ARHGEF28: variants seen among roughly 807,000 people sequenced by gnomAD.
ARHGEF28 encodes the protein Rho guanine nucleotide exchange factor 28, also known as 190 kDa guanine nucleotide exchange factor.
In ARHGEF28, 152 loss-of-function variants were observed where a neutral mutation model predicts 206.6. The observed-to-expected ratio is 0.74, with a 90% CI of 0.64 to 0.84. The LOEUF is 0.84. Ranked by LOEUF, ARHGEF28 falls within the 40% of genes least tolerant of loss-of-function variation. The pLI, the probability that ARHGEF28 is intolerant of heterozygous loss-of-function variation, is 0.00. For synonymous variants in ARHGEF28, 763 were observed against 776.4 expected (o/e 0.98, Z 0.29); for missense variants, 2,028 against 2,073.2 (o/e 0.98, Z 0.42).
intron 1 of ARHGEF28, among the ~76,000 whole-genome samples, chr5:73,656,769 A>C (rs984297958): frequency 1.3e-5 from 2 of 152,160 alleles, no homozygotes; most frequent in African/African-American, 4.8e-5. Context: ...AGGAGGACCT[A>C]CAAGGCCTTG....
At chr5:73,701,220 C>T (rs1273208435) in intron 2 of ARHGEF28, among the ~76,000 whole-genome samples, 2 of 152,132 alleles carry the variant, frequency 1.3e-5, no homozygotes, top group African/African-American at 4.8e-5. Context: ...GAAGTGGGAA[C>T]ACCTTATATG....
At chr5:73,698,051 ATAAAAT>A (rs1748331221) in intron 2 of ARHGEF28, among the ~76,000 whole-genome samples, 1 of 152,214 alleles carries the variant, frequency 6.6e-6, no homozygotes. Flanking sequence ...AATTATAAAA[ATAAAAT>A]TAGATTGAAA....
chr5:73,676,237 ATGT>A (rs1746677429), intron 1 of ARHGEF28, among the ~76,000 whole-genome samples: 1 of 134,676 alleles, frequency 7.4e-6, no homozygotes, highest in Non-Finnish European at 1.7e-5. Flanking sequence ...CACCCAGCTA[ATGT>A]TTTTTTTTTT....
In ARHGEF28 at chr5:73,882,543, TA is replaced by T; in HGVS notation, c.2888del (p.Asn963ThrfsTer71). ...TCTGTTGCCATCATAAAGAAGCTGT[TA>T]ACCTCTTTAAAGAACTCCAGCAGAA... ...EFCCHHKEAVNLFKELQQNKK... is the reference protein window; with the variant it reads ...EFCCHHKEAVXLFKELQQNKK... On this transcript the variant is annotated frameshift_variant, in exon 23 of 36. Transcript: ENST00000513042. LOFTEE classifies it high-confidence loss of function. 6.6e-7 allele frequency: 1 copy of T among 1,516,950 alleles called. No homozygotes were observed. The highest frequency in any genetic ancestry group is 8.9e-7 in the Non-Finnish European group (1 of 1,125,462). The allele number at this position is 1,516,950 out of a possible 1,614,324, so 94.0% of individuals were successfully genotyped here. A position where few individuals can be genotyped will look rare whatever the true frequency, so the allele number is the denominator to read the frequency against.
At chr5:73,833,339 T>C (rs773475677) in intron 10 of ARHGEF28, among the ~76,000 whole-genome samples, 6 of 121,994 alleles carry the variant, frequency 4.9e-5, no homozygotes, top group Non-Finnish European at 9.9e-5. Context: ...TTTATAGATA[T>C]ATTCTGTGAT....
intron 35 of ARHGEF28, among the ~76,000 whole-genome samples, chr5:73,919,670 A>C (rs1763409705): frequency 6.6e-6 from 1 of 152,222 alleles, no homozygotes. Flanking sequence ...AGAAAATGTC[A>C]AAAGCAGCCT....
chr5:73,636,864 C>T (rs1419646626), intron 1 of ARHGEF28, among the ~76,000 whole-genome samples: 2 of 152,152 alleles, frequency 1.3e-5, no homozygotes, highest in African/African-American at 4.8e-5. Flanking sequence ...TGTCTTAAGC[C>T]TCCCTCACAT....
chr5:73,902,563 T>C (rs1467430791), intron 31 of ARHGEF28: 1 of 151,534 alleles, frequency 6.6e-6, no homozygotes, highest in Non-Finnish European at 1.5e-5. Flanking sequence ...TAAACCCAGG[T>C]AAAGGGCAGG....
At chr5:73,913,332 CA>C in intron 35 of ARHGEF28, among the ~76,000 whole-genome samples, 1 of 105,702 alleles carries the variant, frequency 9.5e-6, no homozygotes, top group Non-Finnish European at 1.8e-5. Flanking sequence ...TGCAGCTAGT[CA>C]AAAAACCTTA....
intron 2 of ARHGEF28, among the ~76,000 whole-genome samples, chr5:73,710,148 G>T (rs947224832): frequency 6.6e-6 from 1 of 152,184 alleles, no homozygotes; most frequent in Non-Finnish European, 1.5e-5. Flanking sequence ...GTTTTCCAAA[G>T]TAGCTGTTTT....
intron 16 of ARHGEF28, among the ~76,000 whole-genome samples, chr5:73,863,528 C>A (rs1759524327): frequency 6.6e-6 from 1 of 152,090 alleles, no homozygotes; most frequent in East Asian, 1.9e-4. Context: ...CCTTGCGGTC[C>A]TTGCCTGTCT....
At chr5:73,859,378 G>A (rs749984203) in intron 16 of ARHGEF28, among the ~76,000 whole-genome samples, 5 of 152,170 alleles carry the variant, frequency 3.3e-5, no homozygotes, top group Non-Finnish European at 5.9e-5. Flanking sequence ...GGAGCACAAA[G>A]GGAACAGAGG....
chr5:73,840,791 A>G lies in ARHGEF28; in HGVS notation c.1427+31A>G, dbSNP rs375175132. The stretch of plus-strand genomic sequence containing the variant: ...AGTCTATATTGTAGAGGAAAACTGT[A>G]GAACATCAAAGAACCTTATAGGTAG... On this transcript the variant is annotated intron_variant, in intron 11 of 35. Coordinates refer to ENST00000513042, the MANE Select transcript of ARHGEF28 (RefSeq NM_001177693.2). 247 of 1,569,104 alleles carry G rather than the reference A, an allele frequency of 1.6e-4. 3 individuals are homozygous for G. In the East Asian group the frequency reaches 4.8e-3, roughly 31 times the overall value.
chr5:73,790,981 G>A lies in ARHGEF28; in HGVS notation c.911-3421G>A, dbSNP rs903431472. ...AAAGGATTCATCTGTCTATGAATCT[G>A]GCAGTTCAGAAGTTGTGATAAAATA... On this transcript the variant is annotated intron_variant, in intron 7 of 35. Coordinates refer to ENST00000513042, the MANE Select transcript of ARHGEF28 (RefSeq NM_001177693.2). Among the ~76,000 whole-genome samples the A allele has an allele frequency of 2.0e-5, 3 of 152,202 alleles. No homozygotes were observed. The South Asian group carries it at 6.2e-4, about 31-fold the overall frequency.
At chr5:73,884,160 G>T (rs1371577426) in intron 24 of ARHGEF28, among the ~76,000 whole-genome samples, 5 of 152,010 alleles carry the variant, frequency 3.3e-5, no homozygotes, top group African/African-American at 9.7e-5. Flanking sequence ...CCCCACCACT[G>T]GGCTTTCTTA....
chr5:73,808,570 G>C (rs1028303311), intron 9 of ARHGEF28, among the ~76,000 whole-genome samples: 5 of 152,170 alleles, frequency 3.3e-5, no homozygotes, highest in Admixed American at 1.3e-4. Flanking sequence ...GGATTTTGAG[G>C]AAGGCTTTAT....
At chr5:73,675,926 A>G (rs1232720182) in intron 1 of ARHGEF28, among the ~76,000 whole-genome samples, 1 of 151,882 alleles carries the variant, frequency 6.6e-6, no homozygotes, top group Non-Finnish European at 1.5e-5. Context: ...TTTTGTGGTA[A>G]TTCTAGGAAT....
intron 1 of ARHGEF28, among the ~76,000 whole-genome samples, 196 bp downstream of exon 1, chr5:73,626,518 C>T (rs1256046803): frequency 6.6e-6 from 1 of 151,990 alleles, no homozygotes; most frequent in Non-Finnish European, 1.5e-5. Context: ...CCCTCGGGAG[C>T]GGCAACAAGT....
At chr5:73,832,879 CTG>C (rs1757388214) in intron 10 of ARHGEF28, among the ~76,000 whole-genome samples, 1 of 152,186 alleles carries the variant, frequency 6.6e-6, no homozygotes, top group African/African-American at 2.4e-5. Flanking sequence ...CCATAGGAAA[CTG>C]TCACATAAAT....
Sources: gnomAD v4.1 joint callset for allele counts (sites outside exome capture counted in the v4.1 genomes callset) on GRCh38, gnomAD v4.1.1 for gene constraint, MANE v1.5 for transcripts, NCBI Gene and HGNC (gene_info 2026-07-23, HGNC 2026-07-21) for gene names.